The following RAPGEF2 variants were observed in gnomAD, a reference collection of about 807,000 sequenced individuals.
The protein encoded by RAPGEF2 is PDZ domain containing guanine nucleotide exchange factor (GEF) 1.
A neutral mutation model predicts 186.7 loss-of-function variants in RAPGEF2; 54 were observed. The ratio of observed to expected loss-of-function variants is 0.29; its 90% CI spans 0.23 to 0.36. The LOEUF is 0.36. RAPGEF2 is among the 10% of genes least tolerant of loss of function. RAPGEF2 has a pLI of 1.00. For synonymous variants in RAPGEF2, 712 were observed against 705.9 expected (o/e 1.01, Z -0.14); for missense variants, 1,532 against 2,045.0 (o/e 0.75, Z 4.84).
chr4:159,331,380 C>T lies in RAPGEF2; in HGVS notation c.1468-51C>T. ...ATATCTTTTCTGGAATGATTTTAATCACATTTTTGGCACTAAAAAGGAAAC... is the reference window on the plus strand; with the variant it reads ...ATATCTTTTCTGGAATGATTTTAATTACATTTTTGGCACTAAAAAGGAAAC... On this transcript the variant is annotated intron_variant, in intron 13 of 29. Transcript: ENST00000691494. 4 of 1,085,970 alleles carry T rather than the reference C, an allele frequency of 3.7e-6. No homozygotes were observed. The South Asian group carries it at 6.2e-5, about 17-fold the overall frequency. The allele number at this position is 1,085,970 out of a possible 1,614,324, so 67.3% of individuals were successfully genotyped here.
At chr4:159,170,018 A>G (rs569613893) in intron 1 of RAPGEF2, among the ~76,000 whole-genome samples, 1 of 150,648 alleles carries the variant, frequency 6.6e-6, no homozygotes, top group African/African-American at 2.4e-5. Flanking sequence ...TGAATATACT[A>G]ATTTACATTC....
chr4:159,140,172 C>A (rs1483330095), intron 1 of RAPGEF2, among the ~76,000 whole-genome samples: 1 of 152,142 alleles, frequency 6.6e-6, no homozygotes, highest in Non-Finnish European at 1.5e-5. Flanking sequence ...TTGATGTTCT[C>A]AACGTTTTAT....
At chr4:159,204,794 C>T (rs987869697) in intron 3 of RAPGEF2, among the ~76,000 whole-genome samples, 1 of 152,148 alleles carries the variant, frequency 6.6e-6, no homozygotes, top group African/African-American at 2.4e-5. Flanking sequence ...TTCTGAGATT[C>T]TAAGAAGGAT....
intron 7 of RAPGEF2, among the ~76,000 whole-genome samples, chr4:159,294,070 G>A (rs1202995992): frequency 6.6e-6 from 1 of 152,188 alleles, no homozygotes; most frequent in African/African-American, 2.4e-5. Context: ...CCATGCTACT[G>A]TATGTAGATC....
Position 159,251,233 on chromosome 4 carries a change from G to A in RAPGEF2, c.543+7442G>A, listed in dbSNP as rs62337457. On this transcript the variant is annotated intron_variant, in intron 7 of 29. Coordinates refer to ENST00000691494, the MANE Select transcript of RAPGEF2 (RefSeq NM_001394067.2). ...AGCCCCCCACCCTCCGTGGGCTCCC[G>A]TGCTGCCTGAGCCTTCCCGACGGGC... is the stretch of plus-strand genomic sequence containing the variant. Among the ~76,000 whole-genome samples the A allele has an allele frequency of 3.4e-3, 525 of 152,366 alleles. 3 individuals carry two copies. The highest frequency in any genetic ancestry group is 5.4e-3 in the Non-Finnish European group (368 of 68,026).
chr4:159,298,066 C>T (rs753435189), intron 7 of RAPGEF2, among the ~76,000 whole-genome samples: 38 of 152,076 alleles, frequency 2.5e-4, no homozygotes, highest in Non-Finnish European at 4.9e-4. Flanking sequence ...GCAGTTTTCT[C>T]CAGTAGATAA....
At chr4:159,128,979 A>AT (rs1360823655) in intron 1 of RAPGEF2, 1 of 147,258 alleles carries the variant, frequency 6.8e-6, no homozygotes, top group Non-Finnish European at 1.5e-5. Flanking sequence ...TTTTAAGTAT[A>AT]TTTTTTGGAA....
At chr4:159,292,131 C>A (rs1195612078) in intron 7 of RAPGEF2, among the ~76,000 whole-genome samples, 1 of 152,082 alleles carries the variant, frequency 6.6e-6, no homozygotes, top group African/African-American at 2.4e-5. Context: ...ACATTTTGAG[C>A]TCCCAAAACC....
chr4:159,198,929 A>G (rs1749101377), intron 3 of RAPGEF2, among the ~76,000 whole-genome samples: 1 of 151,646 alleles, frequency 6.6e-6, no homozygotes, highest in Non-Finnish European at 1.5e-5. Flanking sequence ...AAAATACAAA[A>G]ATTAGGCGTG....
intron 7 of RAPGEF2, among the ~76,000 whole-genome samples, chr4:159,292,201 C>T (rs1026386241): frequency 1.1e-4 from 17 of 152,182 alleles, no homozygotes; most frequent in Admixed American, 6.5e-4. Flanking sequence ...TAGCTCCCCA[C>T]GTGATTTCAC....
chr4:159,248,309 A>T (rs1300213020), intron 7 of RAPGEF2, among the ~76,000 whole-genome samples: 1 of 152,170 alleles, frequency 6.6e-6, no homozygotes, highest in Admixed American at 6.5e-5. Context: ...ATGAAGAGAG[A>T]GTGTTAGAGA....
intron 1 of RAPGEF2, among the ~76,000 whole-genome samples, chr4:159,131,519 A>ATTTTTTTTTTTTTTTTTTTTTTT (rs35670450): frequency 8.1e-5 from 3 of 37,212 alleles, no homozygotes; most frequent in African/African-American, 1.2e-4. Context: ...ATTAATTGCT[A>ATTTTTTTTTTTTTTTTTTTTTTT]TTTTTTTTTT....
At chr4:159,351,275 C>T in intron 26 of RAPGEF2, 4 of 1,320,202 alleles carry the variant, frequency 3.0e-6, no homozygotes, top group East Asian at 2.6e-5. Flanking sequence ...GTCAAGTGCT[C>T]CATCTGAGTG....
chr4:159,250,556 A>G (rs886290742), intron 7 of RAPGEF2, among the ~76,000 whole-genome samples: 19 of 152,192 alleles, frequency 1.2e-4, no homozygotes. Flanking sequence ...AGCAATGGTA[A>G]TCTGCCATTT....
chr4:159,174,959 A>G (rs1448602425), intron 1 of RAPGEF2, among the ~76,000 whole-genome samples: 2 of 152,084 alleles, frequency 1.3e-5, no homozygotes, highest in Non-Finnish European at 2.9e-5. Context: ...GATGGGTCTC[A>G]CTGTGTTTCC....
intron 7 of RAPGEF2, among the ~76,000 whole-genome samples, chr4:159,265,926 A>G (rs1240673966): frequency 6.6e-6 from 1 of 152,224 alleles, no homozygotes; most frequent in African/African-American, 2.4e-5. Context: ...AGATGTAGAA[A>G]TGGCATAACA....
At chr4:159,276,838 A>G (rs1193541150) in intron 7 of RAPGEF2, among the ~76,000 whole-genome samples, 7 of 134,318 alleles carry the variant, frequency 5.2e-5, no homozygotes, top group African/African-American at 1.9e-4. Context: ...GATATTAAGA[A>G]GTTTTTTCAA....
In RAPGEF2 at chr4:159,133,643, G is replaced by T. The variant is rs1048071075; in HGVS notation, c.69+29412G>T. Among the ~76,000 whole-genome samples, 3 of 151,904 alleles carry T rather than the reference G, an allele frequency of 2.0e-5. No homozygotes were observed. The East Asian group carries it at 5.8e-4, about 29-fold the overall frequency. On this transcript the variant is annotated intron_variant, in intron 1 of 29. Coordinates refer to ENST00000691494, the MANE Select transcript of RAPGEF2 (RefSeq NM_001394067.2). The stretch of plus-strand genomic sequence containing the variant: ...CTGTCACCCATGCTGGAGTGCAGTG[G>T]CATGATCTCGGCTCACTGCAAGCTC...
chr4:159,151,474 T>A (rs1743523467), intron 1 of RAPGEF2, among the ~76,000 whole-genome samples: 1 of 152,198 alleles, frequency 6.6e-6, no homozygotes, highest in Non-Finnish European at 1.5e-5. Context: ...GAAACTTGGG[T>A]TCTTGAGAAA....
Sources: gnomAD v4.1 joint callset for allele counts (sites outside exome capture counted in the v4.1 genomes callset) on GRCh38, gnomAD v4.1.1 for gene constraint, MANE v1.5 for transcripts, NCBI Gene and HGNC (gene_info 2026-07-23, HGNC 2026-07-21) for gene names.